The following NEK6 variants were observed in gnomAD, a reference collection of about 807,000 sequenced individuals.
NEK6 encodes NIMA related kinase 6, also known as serine/threonine-protein kinase Nek6.
NEK6 carries 27 observed loss-of-function variants against 43.5 expected under a neutral mutation model. The ratio of observed to expected loss-of-function variants is 0.62; its 90% CI spans 0.46 to 0.86. The LOEUF (loss-of-function observed/expected upper bound fraction) is 0.86. Ranked by LOEUF, NEK6 falls within the 40% of genes least tolerant of loss-of-function variation. The pLI, the probability that NEK6 is intolerant of heterozygous loss-of-function variation, is 0.00. For missense variants in NEK6, 318 were observed against 414.4 expected, an observed-to-expected ratio of 0.77 and a Z score of 2.02; for synonymous variants, 167 against 164.1, an observed-to-expected ratio of 1.02 and a Z score of -0.14.
intron 8 of NEK6, among the ~76,000 whole-genome samples, chr9:124,342,759 AT>A (rs1260434308): frequency 6.6e-6 from 1 of 152,074 alleles, no homozygotes; most frequent in Non-Finnish European, 1.5e-5. Flanking sequence ...TTCTTTTTCC[AT>A]TCTGCTTTGT....
intron 7 of NEK6, among the ~76,000 whole-genome samples, chr9:124,333,445 T>C (rs1588530231): frequency 6.6e-6 from 1 of 152,286 alleles, no homozygotes; most frequent in Middle Eastern, 3.4e-3. Context: ...TTGGGGAACC[T>C]GCCGGGAGGC....
chr9:124,321,410 T>C (rs1176480789), intron 4 of NEK6, 49 bp from the exon 5 acceptor site: 9 of 1,268,598 alleles, frequency 7.1e-6, no homozygotes, highest in Non-Finnish European at 1.0e-5. Context: ...GCACTGGGTC[T>C]GTCCCGTCTT....
At chr9:124,302,791 C>G (rs779665110) in intron 2 of NEK6, among the ~76,000 whole-genome samples, 4 of 152,216 alleles carry the variant, frequency 2.6e-5, no homozygotes, top group African/African-American at 7.2e-5. Context: ...GGGTGATGCC[C>G]GTGATCACAT....
chr9:124,257,854 C>A, upstream of NEK6: 12 of 1,087,564 alleles, frequency 1.1e-5, no homozygotes, highest in Non-Finnish European at 1.4e-5. Context: ...CCCCCCGCCC[C>A]TCAAGCTTGC....
chr9:124,284,146 C>T (rs1564621454), intron 1 of NEK6, among the ~76,000 whole-genome samples: 2 of 152,162 alleles, frequency 1.3e-5, no homozygotes, highest in African/African-American at 2.4e-5. Flanking sequence ...GTTGGGAATT[C>T]GAGACCAGCC....
chr9:124,345,519 C>T (rs969254542), intron 8 of NEK6, among the ~76,000 whole-genome samples: 16 of 152,188 alleles, frequency 1.1e-4, no homozygotes, highest in South Asian at 2.1e-4. Flanking sequence ...GAAGTGGATG[C>T]CAGCTTGGGG....
chr9:124,352,717 A>G lies in NEK6; in HGVS notation c.*1770A>G, dbSNP rs1830329786. On this transcript the variant is annotated 3_prime_UTR_variant, in exon 10 of 10. Coordinates refer to ENST00000320246, the MANE Select transcript of NEK6 (RefSeq NM_014397.6). Reference sequence around the variant, plus strand: ...TCACCCTGGAATGTTCTCTCCACAGAACAATCAAGTCCCTGTCGCCTGCCT... The same window carrying G: ...TCACCCTGGAATGTTCTCTCCACAGGACAATCAAGTCCCTGTCGCCTGCCT... 3 of 152,230 alleles carry G rather than the reference A, an allele frequency of 2.0e-5. No individual in the cohort carries two copies. The highest frequency in any genetic ancestry group is 2.0e-4 in the Admixed American group (3 of 15,288). 9.4% of individuals were successfully genotyped at this position (152,230 alleles called of 1,614,324 possible). A position where few individuals can be genotyped will look rare whatever the true frequency, so the allele number is the denominator to read the frequency against.
rs144470420 is a variant in NEK6, at chr9:124,274,416, C to G, written c.-30+16331C>G. On this transcript the variant is annotated intron_variant, in intron 1 of 9. Transcript: ENST00000320246. ...AAAATTTGGGAAGTGGTATCTCTGT[C>G]CTCATTTTTAGATGAAACAGCAGAG... Among the ~76,000 whole-genome samples, 811 of 152,328 alleles carry G rather than the reference C, an allele frequency of 5.3e-3. 9 individuals are homozygous for G. The highest frequency in any genetic ancestry group is 0.018 in the African/African-American group (767 of 41,570).
At chr9:124,291,047 C>G (rs1832393518) in intron 1 of NEK6, among the ~76,000 whole-genome samples, 1 of 152,230 alleles carries the variant, frequency 6.6e-6, no homozygotes, top group African/African-American at 2.4e-5. Context: ...AATAAAGATG[C>G]AATAACAATC....
chr9:124,277,883 A>G (rs1181009489), intron 1 of NEK6, among the ~76,000 whole-genome samples: 2 of 152,164 alleles, frequency 1.3e-5, no homozygotes, highest in African/African-American at 2.4e-5. Context: ...TGGAGAGTGC[A>G]TCGTGTTGTC....
chr9:124,311,806 C>G (rs1564638549), intron 2 of NEK6, among the ~76,000 whole-genome samples: 1 of 152,216 alleles, frequency 6.6e-6, no homozygotes, highest in Non-Finnish European at 1.5e-5. Flanking sequence ...TCTCATGCCT[C>G]AGCCTCCTGA....
At chr9:124,266,257 C>A (rs1367744670) in intron 1 of NEK6, among the ~76,000 whole-genome samples, 1 of 152,304 alleles carries the variant, frequency 6.6e-6, no homozygotes, top group East Asian at 1.9e-4. Context: ...CTAATCTAAC[C>A]CTTAACCTGA....
At chr9:124,278,025 C>T (rs1831718340) in intron 1 of NEK6, among the ~76,000 whole-genome samples, 2 of 152,330 alleles carry the variant, frequency 1.3e-5, no homozygotes, top group East Asian at 3.9e-4. Context: ...ACACTTTGGT[C>T]AACAGCAGAC....
At chr9:124,261,909 C>T (rs954419213) in intron 1 of NEK6, among the ~76,000 whole-genome samples, 4 of 151,822 alleles carry the variant, frequency 2.6e-5, no homozygotes, top group Admixed American at 6.6e-5. Context: ...CCCGTCTGGC[C>T]TGTGATTTGG....
intron 2 of NEK6, among the ~76,000 whole-genome samples, chr9:124,303,925 G>C (rs1221262950): frequency 6.6e-6 from 1 of 152,254 alleles, no homozygotes; most frequent in East Asian, 1.9e-4. Flanking sequence ...CAGAGGAGAG[G>C]GCCCTGTAAT....
At chr9:124,317,362 C>G (rs1833869836) in intron 4 of NEK6, among the ~76,000 whole-genome samples, 1 of 152,152 alleles carries the variant, frequency 6.6e-6, no homozygotes, top group Admixed American at 6.5e-5. Flanking sequence ...AACAGGTGTG[C>G]ACCACCACAC....
At chr9:124,272,910 C>T (rs1212273615) in intron 1 of NEK6, among the ~76,000 whole-genome samples, 2 of 152,226 alleles carry the variant, frequency 1.3e-5, no homozygotes, top group African/African-American at 4.8e-5. Context: ...CGGAACCACT[C>T]TGCCCTAGTG....
At chr9:124,261,934 T>G (rs1831047207) in intron 1 of NEK6, among the ~76,000 whole-genome samples, 1 of 151,980 alleles carries the variant, frequency 6.6e-6, no homozygotes, top group Non-Finnish European at 1.5e-5. Context: ...GTAAAAATAG[T>G]CCTTTTTTCC....
intron 1 of NEK6, among the ~76,000 whole-genome samples, chr9:124,266,769 A>T (rs1831245903): frequency 6.6e-6 from 1 of 152,180 alleles, no homozygotes; most frequent in African/African-American, 2.4e-5. Context: ...GGATCCTTGG[A>T]GAATGTTTAT....
Sources: gnomAD v4.1 joint callset for allele counts (sites outside exome capture counted in the v4.1 genomes callset) on GRCh38, gnomAD v4.1.1 for gene constraint, MANE v1.5 for transcripts, NCBI Gene and HGNC (gene_info 2026-07-23, HGNC 2026-07-21) for gene names.